The following SPAG17 variants were observed in gnomAD, a reference collection of about 807,000 sequenced individuals.
SPAG17 encodes sperm associated antigen 17.
In SPAG17, 169 loss-of-function variants were observed where a neutral mutation model predicts 273.6. The observed-to-expected ratio is 0.62, with a 90% confidence interval of 0.55 to 0.70. The LOEUF (loss-of-function observed/expected upper bound fraction) is 0.70. SPAG17 is among the 30% of genes least tolerant of loss of function. The pLI is 0.00. For missense variants in SPAG17, 2,557 were observed against 2,627.8 expected (o/e 0.97, Z 0.59); for synonymous variants, 825 against 873.2 (o/e 0.94, Z 0.97).
intron 20 of SPAG17, among the ~76,000 whole-genome samples, chr1:118,051,516 C>G (rs896032080): frequency 6.8e-6 from 1 of 146,046 alleles, no homozygotes. Flanking sequence ...CATCCATCAA[C>G]AGATAAATGA....
intron 34 of SPAG17, among the ~76,000 whole-genome samples, chr1:117,995,122 C>A (rs1022571302): frequency 6.6e-6 from 1 of 152,036 alleles, no homozygotes; most frequent in African/African-American, 2.4e-5. Context: ...ATGCTTTATG[C>A]TTTCTCCTTT....
intron 23 of SPAG17, among the ~76,000 whole-genome samples, chr1:118,037,617 C>T (rs1248313669): frequency 6.6e-6 from 1 of 152,086 alleles, no homozygotes; most frequent in African/African-American, 2.4e-5. Flanking sequence ...TTTTCTGTTC[C>T]TGTGTTAGTT....
intron 1 of SPAG17, among the ~76,000 whole-genome samples, chr1:118,176,955 T>C (rs1484061852): frequency 6.6e-6 from 1 of 152,104 alleles, no homozygotes; most frequent in Non-Finnish European, 1.5e-5. Flanking sequence ...AATGATAAAT[T>C]GGTCAATGAA....
At chr1:118,185,025 C>T (rs373423352) in intron 1 of SPAG17, 46 bp downstream of exon 1, 1 of 1,552,702 alleles carries the variant, frequency 6.4e-7, no homozygotes, top group Non-Finnish European at 8.9e-7. Context: ...GGCCGGGCCT[C>T]TGGCATTGCC....
At chr1:118,164,539 C>G (rs1660073767) in intron 1 of SPAG17, among the ~76,000 whole-genome samples, 1 of 152,160 alleles carries the variant, frequency 6.6e-6, no homozygotes, top group Non-Finnish European at 1.5e-5. Flanking sequence ...CCTTTTTATT[C>G]TCATCACTAT....
intron 25 of SPAG17, among the ~76,000 whole-genome samples, chr1:118,030,222 G>A (rs1648281363): frequency 6.6e-6 from 1 of 151,974 alleles, no homozygotes. Context: ...TGGTACAGAG[G>A]CAATGACATA....
chr1:118,066,990 T>C (rs1401699038), intron 17 of SPAG17, 91 bp from the exon 18 acceptor site: 17 of 1,206,866 alleles, frequency 1.4e-5, no homozygotes, highest in Middle Eastern at 2.9e-4. Context: ...TCCCTTTTTT[T>C]CCTACATTCA....
intron 27 of SPAG17, among the ~76,000 whole-genome samples, chr1:118,023,719 A>G (rs1445843502): frequency 6.6e-6 from 1 of 151,860 alleles, no homozygotes. Context: ...TTTTCTTTTT[A>G]TTTCCATCTT....
chr1:118,129,922 C>T (rs565832379), intron 3 of SPAG17, among the ~76,000 whole-genome samples: 5 of 152,250 alleles, frequency 3.3e-5, no homozygotes, highest in Admixed American at 3.3e-4. Context: ...TCCTGCTAGA[C>T]AAAGAATGTA....
chr1:118,176,240 C>T (rs1326578826), intron 1 of SPAG17, among the ~76,000 whole-genome samples: 1 of 152,118 alleles, frequency 6.6e-6, no homozygotes, highest in Non-Finnish European at 1.5e-5. Flanking sequence ...TCCTTAATAA[C>T]ATTGACTATA....
intron 3 of SPAG17, among the ~76,000 whole-genome samples, chr1:118,136,886 G>A (rs1570757875): frequency 6.6e-6 from 1 of 151,916 alleles, no homozygotes; most frequent in East Asian, 1.9e-4. Flanking sequence ...CCCTGACAAT[G>A]TTCTGTGGAT....
At chr1:118,072,729 T>A (rs1309936842) in intron 17 of SPAG17, among the ~76,000 whole-genome samples, 1 of 152,128 alleles carries the variant, frequency 6.6e-6, no homozygotes, top group Non-Finnish European at 1.5e-5. Flanking sequence ...GAGTTCTGAA[T>A]ACTTATCTAA....
Position 118,093,167 on chromosome 1 carries a change from G to C in SPAG17, c.1162C>G (p.Pro388Ala). The change falls in exon 8 of 49, where the codon CCA (proline) becomes GCA (alanine). Residue 388 changes from proline (P) to alanine (A), a missense_variant. Pro to Ala is a conservative substitution (Grantham distance 27). Coordinates refer to ENST00000336338, the MANE Select transcript of SPAG17 (RefSeq NM_206996.4). ...VNEKPVLEAM[P>A]TSEAPQPAVP... The stretch of plus-strand genomic sequence containing the variant: ...GAGCCCATGCCTACCTCTGAAGTTG[G>C]CATGGCTTCTAATACAGGTTTCTCA... 6.2e-7 allele frequency: 1 copy of C among 1,612,314 alleles called. No homozygotes were observed. Among genetic ancestry groups the C allele is most frequent in the East Asian group, 2.2e-5 (1 of 44,844 alleles).
In SPAG17 at chr1:117,992,604, G is replaced by T; in HGVS notation, c.5223C>A (p.Gly1741=). 6.2e-7 allele frequency: 1 copy of T among 1,612,336 alleles called. No homozygotes were observed. Among genetic ancestry groups the T allele is most frequent in the Non-Finnish European group, 8.5e-7 (1 of 1,179,442 alleles). The change falls in exon 36 of 49, where the codon GGC becomes GGA. Residue 1741 remains glycine, a synonymous_variant. Coordinates refer to ENST00000336338, the MANE Select transcript of SPAG17 (RefSeq NM_206996.4). ...CTAGCTGTTTGGACTCAATGCAAAG[G>T]CCTTTCCAAATCTGAGTACCAAACG... ...GPPFGTQIWK[G]LCIESKQLVS...
intron 3 of SPAG17, among the ~76,000 whole-genome samples, chr1:118,132,309 T>C (rs2102300237): frequency 6.6e-6 from 1 of 152,150 alleles, no homozygotes; most frequent in South Asian, 2.1e-4. Flanking sequence ...AGAAAGGCAG[T>C]GACCCAGGAA....
intron 1 of SPAG17, among the ~76,000 whole-genome samples, chr1:118,170,362 G>C (rs1201925968): frequency 6.6e-6 from 1 of 152,116 alleles, no homozygotes; most frequent in Non-Finnish European, 1.5e-5. Flanking sequence ...TAAGTTATAA[G>C]AGAGATCCTA....
intron 1 of SPAG17, 120 bp from the exon 2 acceptor site, chr1:118,151,489 A>T: frequency 1.0e-6 from 1 of 993,196 alleles, no homozygotes; most frequent in South Asian, 2.7e-5. Context: ...GACAGAGGTG[A>T]CCTTGTAATG....
chr1:117,982,940 T>C (rs1655999705), intron 42 of SPAG17, among the ~76,000 whole-genome samples: 1 of 152,208 alleles, frequency 6.6e-6, no homozygotes, highest in African/African-American at 2.4e-5. Flanking sequence ...TAGACATTTT[T>C]CTCTGTTTCC....
At chr1:118,181,882 G>A (rs765765012) in intron 1 of SPAG17, among the ~76,000 whole-genome samples, 3 of 152,050 alleles carry the variant, frequency 2.0e-5, no homozygotes, top group Non-Finnish European at 2.9e-5. Context: ...TTGAAAGCCC[G>A]AGGTGGAAGG....
Sources: allele counts gnomAD v4.1 joint callset (sites outside exome capture counted in the v4.1 genomes callset), GRCh38; gene constraint gnomAD v4.1.1; transcripts MANE v1.5; gene names NCBI Gene and HGNC (gene_info 2026-07-23, HGNC 2026-07-21).